Variants in HUWE1 observed in about 807,000 individuals in gnomAD.
HUWE1 encodes HECT, UBA and WWE domain containing E3 ubiquitin protein ligase 1.
Under a neutral mutation model 299.4 loss-of-function variants are expected in HUWE1, and 18 were observed. The observed-to-expected ratio is 0.06, with a 90% CI of 0.04 to 0.09. The LOEUF is 0.09. Among genes scored for constraint, HUWE1 ranks in the 10% least tolerant of loss-of-function variants. The probability of loss-of-function intolerance (pLI) is 1.00; values close to 1 mark genes in which losing one functional copy is unlikely to be tolerated. For missense variants in HUWE1, 1,832 were observed against 3,462.3 expected, an observed-to-expected ratio of 0.53 and a Z score of 11.82; for synonymous variants, 1,317 against 1,286.1, an observed-to-expected ratio of 1.02 and a Z score of -0.51.
intron 3 of HUWE1, among the ~76,000 whole-genome samples, chrX:53,661,266 CGTT>C (rs1397539697): frequency 1.8e-5 from 2 of 111,705 alleles, no homozygotes; most frequent in African/African-American, 6.5e-5. Flanking sequence ...GATCTCCTGA[CGTT>C]GTGATCCGCC....
At chrX:53,537,483 G>C (rs2061118808) in intron 78 of HUWE1, 73 bp downstream of exon 78, 2 of 1,099,981 alleles carry the variant, frequency 1.8e-6, no homozygotes, top group East Asian at 6.1e-5. Context: ...TTTGAGGCTA[G>C]AGCAAGCCAT....
At position 53,604,571 on chromosome X, in the gene HUWE1, C is replaced by T. The variant is rs781935160; in HGVS notation, c.2742+18G>A. On this transcript the variant is annotated intron_variant, in intron 26 of 83. Coordinates refer to ENST00000262854, the MANE Select transcript of HUWE1 (RefSeq NM_031407.7). ...ACTGCCTTTAAATTAATATGTTCAC[C>T]CCTAAGGTTATTTTTACCTGTCCAA... The T allele has an allele frequency of 8.3e-6, 10 of 1,208,589 alleles. No homozygotes were observed. Among genetic ancestry groups the T allele is most frequent in the Non-Finnish European group, 1.1e-5 (10 of 892,730 alleles).
intron 49 of HUWE1, among the ~76,000 whole-genome samples, chrX:53,566,577 C>A (rs1014917075): frequency 3.6e-5 from 4 of 111,180 alleles, no homozygotes; most frequent in Non-Finnish European, 7.5e-5. Flanking sequence ...CCACCTCAGC[C>A]TCCCAAAAAG....
intron 3 of HUWE1, among the ~76,000 whole-genome samples, chrX:53,655,169 T>C (rs1451123545): frequency 2.7e-5 from 3 of 111,102 alleles, no homozygotes; most frequent in Middle Eastern, 4.6e-3. Context: ...GCAGGCTCTT[T>C]ACACACAAAA....
intron 48 of HUWE1, 115 bp from the exon 49 acceptor site, chrX:53,568,989 TAACATCTAA>T: frequency 3.3e-6 from 2 of 611,149 alleles, no homozygotes; most frequent in Non-Finnish European, 5.3e-6. Context: ...CTTCTGGAAA[TAACATCTAA>T]ACAAACAGGT....
At chrX:53,538,562 G>T in intron 76 of HUWE1, 108 bp from the exon 77 acceptor site, 2 of 613,001 alleles carry the variant, frequency 3.3e-6, no homozygotes, top group Non-Finnish European at 5.4e-6. Flanking sequence ...TTATTTCAGG[G>T]CTCTAAAAGG....
Position 53,552,794 on chromosome X carries a change from C to T in HUWE1, c.8594G>A (p.Cys2865Tyr), listed in dbSNP as rs2061819688. ...GTCACCCACAGCCTCCTCTAAGGTA[C>T]AGGAAGCCAGGCTGCTTGTATCCAT... ...SPMDTSSLAS[C>Y]TLEEAVGDTS... The change falls in exon 62 of 84, where the codon TGT becomes TAT. Residue 2865 changes from cysteine (C) to tyrosine (Y), a missense_variant. Cys to Tyr is a radical substitution (Grantham distance 194). Transcript: ENST00000262854. 8.3e-7 allele frequency: 1 copy of T among 1,210,066 alleles called. No individual in the cohort carries two copies. Among genetic ancestry groups the T allele is most frequent in the African/African-American group, 1.7e-5 (1 of 57,230 alleles).
At chrX:53,683,222 G>A (rs2070276155) in intron 2 of HUWE1, among the ~76,000 whole-genome samples, 1 of 110,982 alleles carries the variant, frequency 9.0e-6, no homozygotes, top group Non-Finnish European at 1.9e-5. Context: ...TTAAATACCA[G>A]CCTCAACTAT....
chrX:53,558,581 G>A, intron 59 of HUWE1, 74 bp downstream of exon 59: 1 of 992,228 alleles, frequency 1.0e-6, no homozygotes. Flanking sequence ...GTGATTCCTG[G>A]TGCCATGTGT....
intron 19 of HUWE1, among the ~76,000 whole-genome samples, chrX:53,623,705 T>C (rs1398515893): frequency 8.9e-6 from 1 of 112,013 alleles, no homozygotes; most frequent in African/African-American, 3.2e-5. Context: ...ATGACAAGAT[T>C]ATGTAGAATA....
At chrX:53,620,281 G>T (rs1883840966) in intron 19 of HUWE1, among the ~76,000 whole-genome samples, 1 of 103,581 alleles carries the variant, frequency 9.7e-6, no homozygotes, top group African/African-American at 3.5e-5. Context: ...TTTGAGACAA[G>T]GTCTCACTCT....
At chrX:53,656,883 T>C (rs1408033141) in intron 3 of HUWE1, among the ~76,000 whole-genome samples, 1 of 109,555 alleles carries the variant, frequency 9.1e-6, no homozygotes, top group Non-Finnish European at 1.9e-5. Context: ...AGAAATAGAC[T>C]CATACAAATA....
chrX:53,599,770 A>C (rs1306405961), intron 29 of HUWE1, among the ~76,000 whole-genome samples: 1 of 112,334 alleles, frequency 8.9e-6, no homozygotes, highest in East Asian at 2.8e-4. Context: ...GCTGCAGACA[A>C]GTGAGAAGGG....
chrX:53,590,590 T>C (rs1429486340), intron 34 of HUWE1, 91 bp from the exon 35 acceptor site: 2 of 675,200 alleles, frequency 3.0e-6, no homozygotes, highest in Admixed American at 4.5e-5. Flanking sequence ...ATCAGACATC[T>C]TGTGCTCAAG....
chrX:53,593,725 G>A (rs886100353), intron 31 of HUWE1, 124 bp from the exon 32 acceptor site: 9 of 513,751 alleles, frequency 1.8e-5, no homozygotes, highest in African/African-American at 1.2e-4. Flanking sequence ...GAGCTATTAC[G>A]TCTAATCTGT....
chrX:53,649,562 T>C (rs1362913107), intron 4 of HUWE1, among the ~76,000 whole-genome samples: 1 of 112,228 alleles, frequency 8.9e-6, no homozygotes, highest in African/African-American at 3.2e-5. Context: ...CAAATGTTCA[T>C]GGTAATTAAA....
intron 3 of HUWE1, among the ~76,000 whole-genome samples, chrX:53,674,125 T>G (rs782143224): frequency 4.0e-4 from 45 of 111,989 alleles, no homozygotes; most frequent in African/African-American, 1.1e-3. Flanking sequence ...TATTTAAATT[T>G]GCATTTCTGA....
chrX:53,593,658 G>A (rs1208641575), intron 31 of HUWE1, 57 bp from the exon 32 acceptor site: 8 of 925,480 alleles, frequency 8.6e-6, no homozygotes, highest in Middle Eastern at 2.9e-4. Flanking sequence ...TGGCAAGGGG[G>A]GTTTACATCT....
At position 53,547,795 on chromosome X, in the gene HUWE1, G is replaced by A. The variant is rs2061609827; in HGVS notation, c.10514C>T (p.Pro3505Leu). Residue 3505 changes from proline to leucine, a missense_variant, in exon 68 of 84, where the codon CCT (proline) becomes CTT (leucine). Around this residue, in one of 15 missense-constraint regions of HUWE1, gnomAD observed 119 missense variants for 124.6 expected, o/e 0.96. Coordinates refer to ENST00000262854, the MANE Select transcript of HUWE1 (RefSeq NM_031407.7). ...TTAASTTPTP[P>L]TAPTPVTSAP... ...AGAAGTGACAGGGGTGGGTGCAGTA[G>A]GGGGTGTGGGCGTGGTGGAGGCGGC... 1 of 1,198,978 alleles carries A rather than the reference G, an allele frequency of 8.3e-7. No homozygotes were observed. Among genetic ancestry groups the A allele is most frequent in the Admixed American group, 2.3e-5 (1 of 44,369 alleles).
Sources: gnomAD v4.1 joint callset for allele counts (sites outside exome capture counted in the v4.1 genomes callset) on GRCh38, gnomAD v4.1.1 for gene constraint, gnomAD v4.1.1 regional missense constraint, MANE v1.5 for transcripts, NCBI Gene and HGNC (gene_info 2026-07-23, HGNC 2026-07-21) for gene names.